CDK6: variants seen among roughly 807,000 people sequenced by gnomAD.
CDK6 encodes cyclin-dependent kinase 6.
In CDK6, 6 loss-of-function variants were observed where a neutral mutation model predicts 37.1. That is an observed-to-expected ratio of 0.16 (90% CI 0.09 to 0.32). The LOEUF is 0.32. Among genes scored for constraint, CDK6 ranks in the 10% least tolerant of loss-of-function variants. The probability of loss-of-function intolerance (pLI) is 1.00; values close to 1 mark genes in which losing one functional copy is unlikely to be tolerated. For synonymous variants in CDK6, 160 were observed against 161.3 expected (o/e 0.99, Z 0.06); for missense variants, 224 against 418.9 (o/e 0.53, Z 4.06).
chr7:92,762,157 T>TG (rs888875282), intron 3 of CDK6, among the ~76,000 whole-genome samples: 4 of 152,170 alleles, frequency 2.6e-5, no homozygotes, highest in Admixed American at 6.5e-5. Flanking sequence ...ATAATCATAA[T>TG]GGGGGGGACA....
At chr7:92,799,493 T>C (rs1303579807) in intron 2 of CDK6, among the ~76,000 whole-genome samples, 4 of 150,136 alleles carry the variant, frequency 2.7e-5, no homozygotes, top group African/African-American at 1.0e-4. Flanking sequence ...CAAGTTTCCA[T>C]AGTCTTTTTT....
chr7:92,736,221 T>C (rs1433355993), intron 3 of CDK6, among the ~76,000 whole-genome samples: 1 of 152,138 alleles, frequency 6.6e-6, no homozygotes, highest in African/African-American at 2.4e-5. Context: ...TGGTTATATA[T>C]ATGACATAGG....
intron 5 of CDK6, among the ~76,000 whole-genome samples, chr7:92,627,693 G>A (rs1408117468): frequency 6.6e-6 from 1 of 151,688 alleles, no homozygotes; most frequent in African/African-American, 2.4e-5. Flanking sequence ...AGATAAAAAT[G>A]TTCTAAAATC....
At chr7:92,666,964 A>G (rs1169062923) in intron 5 of CDK6, among the ~76,000 whole-genome samples, 1 of 152,168 alleles carries the variant, frequency 6.6e-6, no homozygotes, top group African/African-American at 2.4e-5. Context: ...TTGTTATCAC[A>G]GGGGATGACA....
chr7:92,762,289 TCAAC>T (rs1799475187), intron 3 of CDK6, among the ~76,000 whole-genome samples: 1 of 152,186 alleles, frequency 6.6e-6, no homozygotes, highest in African/African-American at 2.4e-5. Context: ...TGTGACTCAT[TCAAC>T]CAATTCTCTT....
chr7:92,697,004 C>T (rs369080036), intron 4 of CDK6, among the ~76,000 whole-genome samples: 6 of 152,276 alleles, frequency 3.9e-5, no homozygotes, highest in African/African-American at 1.4e-4. Flanking sequence ...CTGGCCTCTA[C>T]GTTACCAGGC....
chr7:92,795,900 T>A (rs1800395783), intron 2 of CDK6, among the ~76,000 whole-genome samples: 1 of 152,162 alleles, frequency 6.6e-6, no homozygotes, highest in South Asian at 2.1e-4. Flanking sequence ...TTTACTAGTG[T>A]TTCTTAGCTG....
chr7:92,832,319 C>T (rs1801508108), intron 2 of CDK6, among the ~76,000 whole-genome samples: 1 of 152,198 alleles, frequency 6.6e-6, no homozygotes, highest in Non-Finnish European at 1.5e-5. Flanking sequence ...TCGCACAATC[C>T]ATCTGGGAAA....
At chr7:92,634,931 G>T (rs186333989) in intron 5 of CDK6, among the ~76,000 whole-genome samples, 4 of 152,242 alleles carry the variant, frequency 2.6e-5, no homozygotes, top group Non-Finnish European at 4.4e-5. Context: ...AGGGACATGT[G>T]GGGGGATGTA....
At chr7:92,648,484 C>T (rs1796499296) in intron 5 of CDK6, among the ~76,000 whole-genome samples, 1 of 152,142 alleles carries the variant, frequency 6.6e-6, no homozygotes, top group African/African-American at 2.4e-5. Context: ...TCTTGAATAT[C>T]AAGTGAAGGG....
At chr7:92,813,469 T>C (rs190532459) in intron 2 of CDK6, among the ~76,000 whole-genome samples, 263 of 152,344 alleles carry the variant, frequency 1.7e-3, no homozygotes, top group South Asian at 2.9e-3. Flanking sequence ...GTTCTCAGTC[T>C]AGAAATGATT....
chr7:92,750,118 A>G (rs1308188983), intron 3 of CDK6, among the ~76,000 whole-genome samples: 1 of 152,236 alleles, frequency 6.6e-6, no homozygotes, highest in African/African-American at 2.4e-5. Context: ...GATGTTTTAA[A>G]TATAGGTCTT....
chr7:92,680,506 AC>A (rs1797311163), intron 4 of CDK6, among the ~76,000 whole-genome samples: 1 of 150,576 alleles, frequency 6.6e-6, no homozygotes, highest in Non-Finnish European at 1.5e-5. Flanking sequence ...TCTCAAATTC[AC>A]CCATTTGTAA....
At chr7:92,827,633 T>G (rs1300745331) in intron 2 of CDK6, among the ~76,000 whole-genome samples, 1 of 152,172 alleles carries the variant, frequency 6.6e-6, no homozygotes, top group African/African-American at 2.4e-5. Context: ...GGATCATCAC[T>G]CAAATAGTGA....
At position 92,645,583 on chromosome 7, in the gene CDK6, G is replaced by C. The variant is rs547021873; in HGVS notation, c.648-22497C>G. Among the ~76,000 whole-genome samples the C allele has an allele frequency of 2.0e-5, 3 of 152,332 alleles. No individual in the cohort carries two copies. The South Asian group carries it at 6.2e-4, about 32-fold the overall frequency. On this transcript the variant is annotated intron_variant, in intron 5 of 7. Transcript: ENST00000424848. ...CTGATGACTTCACAGTGAAGCCACC[G>C]TCACAAACAGGATTTCCTAAAGAGG...
chr7:92,780,766 A>C (rs1352485437), intron 2 of CDK6, among the ~76,000 whole-genome samples: 1 of 150,718 alleles, frequency 6.6e-6, no homozygotes, highest in Non-Finnish European at 1.5e-5. Context: ...TCCATCTCAA[A>C]AAAAAAAAAA....
chr7:92,751,834 TC>T (rs1475277353), intron 3 of CDK6, among the ~76,000 whole-genome samples: 3 of 152,164 alleles, frequency 2.0e-5, no homozygotes, highest in Admixed American at 6.5e-5. Flanking sequence ...TGTCTTCATT[TC>T]ATTTCTGAAT....
Position 92,610,982 on chromosome 7 carries a change from G to A in CDK6, c.*4158C>T, listed in dbSNP as rs1327860893. On this transcript the variant is annotated 3_prime_UTR_variant, in exon 8 of 8. Coordinates refer to ENST00000424848, the MANE Select transcript of CDK6 (RefSeq NM_001145306.2). The stretch of plus-strand genomic sequence containing the variant: ...CAGGTAATTTAGTTTGCTTGGGACA[G>A]CTTCTCCATAACATTTGTTTTCGAC... The A allele has an allele frequency of 4.4e-6, 1 of 227,912 alleles. No individual in the cohort carries two copies. The highest frequency in any genetic ancestry group is 2.2e-5 in the African/African-American group (1 of 45,060). The allele number at this position is 227,912 out of a possible 1,614,324, so 14.1% of individuals were successfully genotyped here.
At chr7:92,818,974 G>A (rs930670420) in intron 2 of CDK6, among the ~76,000 whole-genome samples, 4 of 152,020 alleles carry the variant, frequency 2.6e-5, no homozygotes, top group African/African-American at 9.7e-5. Flanking sequence ...ACTAGCACTG[G>A]AAATGGAACA....
Sources: allele counts gnomAD v4.1 joint callset (sites outside exome capture counted in the v4.1 genomes callset), GRCh38; gene constraint gnomAD v4.1.1; transcripts MANE v1.5; gene names NCBI Gene and HGNC (gene_info 2026-07-23, HGNC 2026-07-21).